Variants in SMOC2 observed in about 807,000 individuals in gnomAD.
SMOC2 encodes the protein SPARC related modular calcium binding 2, also known as SPARC-related modular calcium-binding protein 2.
SMOC2 carries 39 observed loss-of-function variants against 61.4 expected under a neutral mutation model. The observed-to-expected ratio is 0.64, with a 90% confidence interval of 0.49 to 0.83. The LOEUF is 0.83. SMOC2 is among the 40% of genes least tolerant of loss of function. The pLI is 0.00. For synonymous variants in SMOC2, 247 were observed against 239.9 expected (o/e 1.03, Z -0.27); for missense variants, 556 against 592.9 (o/e 0.94, Z 0.65).
chr6:168,611,134 G>A (rs1785848896), intron 9 of SMOC2, among the ~76,000 whole-genome samples: 1 of 152,252 alleles, frequency 6.6e-6, no homozygotes, highest in Non-Finnish European at 1.5e-5. Context: ...TGAGGCTGGA[G>A]AACCAGGCAC....
chr6:168,487,607 C>G (rs561259421), intron 1 of SMOC2, among the ~76,000 whole-genome samples: 4 of 152,044 alleles, frequency 2.6e-5, no homozygotes, highest in Non-Finnish European at 5.9e-5. Context: ...TGGATTGAAG[C>G]GATTCTACTG....
chr6:168,660,436 G>A (rs773437424), intron 11 of SMOC2, among the ~76,000 whole-genome samples: 1 of 152,206 alleles, frequency 6.6e-6, no homozygotes, highest in Non-Finnish European at 1.5e-5. Flanking sequence ...GAAAGCTCTG[G>A]GAGGAAATGT....
intron 7 of SMOC2, among the ~76,000 whole-genome samples, chr6:168,595,870 G>T (rs868854374): frequency 3.9e-5 from 6 of 152,220 alleles, no homozygotes; most frequent in South Asian, 2.1e-4. Flanking sequence ...GACGTTTCAA[G>T]AATTTTTGAG....
intron 1 of SMOC2, among the ~76,000 whole-genome samples, chr6:168,466,673 G>C (rs1424974484): frequency 6.6e-6 from 1 of 152,230 alleles, no homozygotes; most frequent in East Asian, 1.9e-4. Flanking sequence ...TTCTGCATCT[G>C]TCCCAGAGGA....
At chr6:168,536,060 G>A (rs867074129) in intron 4 of SMOC2, among the ~76,000 whole-genome samples, 1 of 152,220 alleles carries the variant, frequency 6.6e-6, no homozygotes, top group Non-Finnish European at 1.5e-5. Flanking sequence ...AGGCTGTGCC[G>A]GCTCCTGGAG....
At chr6:168,566,222 TG>T (rs2115133709) in intron 7 of SMOC2, among the ~76,000 whole-genome samples, 1 of 152,208 alleles carries the variant, frequency 6.6e-6, no homozygotes, top group East Asian at 1.9e-4. Flanking sequence ...TCTTATTCTT[TG>T]CACCCCCTCT....
intron 4 of SMOC2, among the ~76,000 whole-genome samples, chr6:168,542,348 A>C (rs995810027): frequency 8.5e-5 from 13 of 152,226 alleles, no homozygotes; most frequent in African/African-American, 3.1e-4. Context: ...TATGTAACCA[A>C]ATGGTAACAG....
chr6:168,552,329 G>A (rs1044339360), intron 7 of SMOC2, among the ~76,000 whole-genome samples: 4 of 151,656 alleles, frequency 2.6e-5, no homozygotes, highest in South Asian at 4.2e-4. Context: ...AATCATCTTC[G>A]GTAGACATAG....
chr6:168,591,225 G>C (rs1244527982), intron 7 of SMOC2, among the ~76,000 whole-genome samples: 1 of 152,218 alleles, frequency 6.6e-6, no homozygotes, highest in Non-Finnish European at 1.5e-5. Flanking sequence ...CTTTTCGGGA[G>C]TGTGTTCAGG....
chr6:168,610,843 G>C (rs2115208291), intron 9 of SMOC2, among the ~76,000 whole-genome samples: 1 of 152,296 alleles, frequency 6.6e-6, no homozygotes, highest in African/African-American at 2.4e-5. Context: ...GGCTTTTGAA[G>C]GTTCTTCTTT....
intron 1 of SMOC2, among the ~76,000 whole-genome samples, chr6:168,471,398 G>A (rs528114875): frequency 2.0e-5 from 3 of 152,244 alleles, no homozygotes; most frequent in East Asian, 3.9e-4. Flanking sequence ...GTTCATTCAT[G>A]CGGTAACATA....
At chr6:168,509,147 C>T (rs549640929) in intron 1 of SMOC2, among the ~76,000 whole-genome samples, 20 of 152,232 alleles carry the variant, frequency 1.3e-4, no homozygotes, top group South Asian at 2.1e-4. Flanking sequence ...CCCTGGGGTC[C>T]GGTGAGCTCC....
At chr6:168,477,322 A>G (rs1343237910) in intron 1 of SMOC2, among the ~76,000 whole-genome samples, 2 of 152,220 alleles carry the variant, frequency 1.3e-5, no homozygotes, top group South Asian at 2.1e-4. Flanking sequence ...GCCCTGATGC[A>G]TGTCTCTGAG....
chr6:168,570,074 G>A (rs1262977812), intron 7 of SMOC2, among the ~76,000 whole-genome samples: 2 of 151,064 alleles, frequency 1.3e-5, no homozygotes, highest in Non-Finnish European at 2.9e-5. Flanking sequence ...GTGTGCGGAT[G>A]TCCCGTCGTC....
At chr6:168,555,968 G>A (rs1012105858) in intron 7 of SMOC2, among the ~76,000 whole-genome samples, 1 of 152,142 alleles carries the variant, frequency 6.6e-6, no homozygotes, top group Non-Finnish European at 1.5e-5. Context: ...CTGCGTGGAC[G>A]AGGTGGACGC....
chr6:168,527,078 G>T (rs371865552), intron 3 of SMOC2, among the ~76,000 whole-genome samples: 17 of 152,370 alleles, frequency 1.1e-4, no homozygotes, highest in East Asian at 9.6e-4. Context: ...TCTGCACTTT[G>T]ACATGCCTGG....
intron 1 of SMOC2, among the ~76,000 whole-genome samples, chr6:168,491,947 A>G (rs1016261891): frequency 6.6e-6 from 1 of 152,168 alleles, no homozygotes. Context: ...AGCCACCCAC[A>G]CATTCTCCCG....
In SMOC2 at chr6:168,544,296, C is replaced by T. The variant is rs1783943292; in HGVS notation, c.511+624C>T. On this transcript the variant is annotated intron_variant, in intron 5 of 12. Coordinates refer to ENST00000356284, the MANE Select transcript of SMOC2 (RefSeq NM_001166412.2). The surrounding 1 kb of genome is among the most constrained non-coding windows in gnomAD (Gnocchi z 4.1). ...AGGACACATTTCTGCTTTTCTCTTA[C>T]ATCAGCCTTTAAAGTCAGACGTTGT... 6.6e-6 allele frequency among the ~76,000 whole-genome samples: 1 copy of T among 152,194 alleles called. No individual in the cohort carries two copies. Among genetic ancestry groups the T allele is most frequent in the Admixed American group, 6.5e-5 (1 of 15,280 alleles).
At chr6:168,489,676 A>G (rs1358013218) in intron 1 of SMOC2, among the ~76,000 whole-genome samples, 9 of 151,196 alleles carry the variant, frequency 6.0e-5, no homozygotes, top group African/African-American at 2.2e-4. Flanking sequence ...CTTGCATCAC[A>G]CTGTTTTAGA....
Sources: gnomAD v4.1 joint callset for allele counts (sites outside exome capture counted in the v4.1 genomes callset) on GRCh38, gnomAD v4.1.1 for gene constraint, Gnocchi (gnomAD v3.1) non-coding constraint, MANE v1.5 for transcripts, NCBI Gene and HGNC (gene_info 2026-07-23, HGNC 2026-07-21) for gene names.